The following LRRC8C variants were observed in gnomAD, a reference collection of about 807,000 sequenced individuals.
The protein encoded by LRRC8C is leucine rich repeat containing 8 VRAC subunit C, also known as volume-regulated anion channel subunit LRRC8C.
In LRRC8C, 20 loss-of-function variants were observed where a neutral mutation model predicts 55.3. The observed-to-expected ratio is 0.36, with a 90% CI of 0.25 to 0.53. The LOEUF is 0.53. LRRC8C is among the 20% of genes least tolerant of loss of function. The probability of loss-of-function intolerance (pLI) is 0.92; values close to 1 mark genes in which losing one functional copy is unlikely to be tolerated. For missense variants in LRRC8C, 659 were observed against 951.4 expected, an observed-to-expected ratio of 0.69 and a Z score of 4.04; for synonymous variants, 376 against 360.7, an observed-to-expected ratio of 1.04 and a Z score of -0.48.
At chr1:89,657,583 A>C (rs7537911) in intron 1 of LRRC8C, among the ~76,000 whole-genome samples, 3,720 of 152,112 alleles carry the variant, frequency 0.024, 149 homozygotes, top group African/African-American at 0.086. Context: ...TCTACTAAAA[A>C]TACAAAAATT....
At chr1:89,641,984 G>A (rs1391305992) in intron 1 of LRRC8C, among the ~76,000 whole-genome samples, 2 of 152,202 alleles carry the variant, frequency 1.3e-5, no homozygotes, top group Non-Finnish European at 1.5e-5. Flanking sequence ...TGCACAACCA[G>A]TAAGGCCAAT....
At chr1:89,641,233 G>A (rs894610497) in intron 1 of LRRC8C, among the ~76,000 whole-genome samples, 2 of 152,192 alleles carry the variant, frequency 1.3e-5, no homozygotes, top group African/African-American at 2.4e-5. Context: ...TTCTGAGCAT[G>A]TGTTAAAATT....
intron 1 of LRRC8C, among the ~76,000 whole-genome samples, chr1:89,680,471 T>C (rs1403942105): frequency 6.6e-6 from 1 of 151,950 alleles, no homozygotes; most frequent in Non-Finnish European, 1.5e-5. Context: ...TAATAGTTTT[T>C]TTTTTTTCTG....
At chr1:89,698,177 A>T (rs1309736207) in intron 2 of LRRC8C, among the ~76,000 whole-genome samples, 1 of 152,200 alleles carries the variant, frequency 6.6e-6, no homozygotes, top group East Asian at 1.9e-4. Context: ...CTAGACTGAT[A>T]TCACTTGGCA....
At chr1:89,693,367 A>G (rs1658076205) in intron 2 of LRRC8C, among the ~76,000 whole-genome samples, 2 of 152,184 alleles carry the variant, frequency 1.3e-5, no homozygotes, top group African/African-American at 4.8e-5. Flanking sequence ...AATCAGAATT[A>G]TAGATTCCAG....
At chr1:89,678,601 G>A (rs952704399) in intron 1 of LRRC8C, among the ~76,000 whole-genome samples, 1 of 151,990 alleles carries the variant, frequency 6.6e-6, no homozygotes, top group Admixed American at 6.6e-5. Context: ...TCGGGAGACT[G>A]AGGCAGGAGA....
chr1:89,686,719 C>G lies in LRRC8C; in HGVS notation c.138+108C>G, dbSNP rs1021630251. The G allele has an allele frequency of 4.1e-6, 5 of 1,225,414 alleles. No homozygotes were observed. The African/African-American group carries it at 6.0e-5, about 15-fold the overall frequency. The allele number at this position is 1,225,414 out of a possible 1,614,324, so 75.9% of individuals were successfully genotyped here. A position where few individuals can be genotyped will look rare whatever the true frequency, so the allele number is the denominator to read the frequency against. ...TTTTTAACCATGTAAGTATTAGTCA[C>G]TGTTCTCTGTGGATGTATTTGTAAT... On this transcript the variant is annotated intron_variant, in intron 2 of 2. Coordinates refer to ENST00000370454, the MANE Select transcript of LRRC8C (RefSeq NM_032270.5).
At position 89,717,240 on chromosome 1, in the gene LRRC8C, AAC is replaced by A. The variant is rs1312488814; in HGVS notation, c.*2261_*2262del. On this transcript the variant is annotated 3_prime_UTR_variant, in exon 3 of 3. Coordinates refer to ENST00000370454, the MANE Select transcript of LRRC8C (RefSeq NM_032270.5). ...GGCAAGCTTAGGTAACTGCTGGCAAAACACTGGGTGCACTATTTTTCTGGATA... is the reference window on the plus strand; with the variant it reads ...GGCAAGCTTAGGTAACTGCTGGCAAAACTGGGTGCACTATTTTTCTGGATA... The A allele has an allele frequency of 1.3e-5, 2 of 152,166 alleles. No individual in the cohort carries two copies. Among genetic ancestry groups the A allele is most frequent in the African/African-American group, 4.8e-5 (2 of 41,452 alleles). 9.4% of individuals were successfully genotyped at this position (152,166 alleles called of 1,614,324 possible). A position where few individuals can be genotyped will look rare whatever the true frequency, so the allele number is the denominator to read the frequency against.
intron 2 of LRRC8C, chr1:89,706,421 T>A (rs1658484482): frequency 2.3e-6 from 1 of 443,494 alleles, no homozygotes; most frequent in Non-Finnish European, 4.5e-6. Flanking sequence ...CTTTTTCACT[T>A]CCATACTTTT....
intron 1 of LRRC8C, among the ~76,000 whole-genome samples, chr1:89,681,733 G>C (rs563595659): frequency 6.6e-6 from 1 of 152,270 alleles, no homozygotes; most frequent in African/African-American, 2.4e-5. Context: ...CCTCCCACCA[G>C]GTCCCTCCGA....
At chr1:89,667,220 A>G (rs923011663) in intron 1 of LRRC8C, among the ~76,000 whole-genome samples, 2 of 152,006 alleles carry the variant, frequency 1.3e-5, no homozygotes, top group African/African-American at 2.4e-5. Context: ...TATAACCCTA[A>G]TGACTCCCAA....
intron 1 of LRRC8C, among the ~76,000 whole-genome samples, chr1:89,637,977 A>G (rs569613922): frequency 6.6e-6 from 1 of 152,322 alleles, no homozygotes; most frequent in Non-Finnish European, 1.5e-5. Context: ...ATTGATGGAG[A>G]CAAGGTGATA....
At chr1:89,666,291 A>G (rs1315589008) in intron 1 of LRRC8C, among the ~76,000 whole-genome samples, 1 of 152,084 alleles carries the variant, frequency 6.6e-6, no homozygotes, top group Non-Finnish European at 1.5e-5. Context: ...AGAGGAAAAA[A>G]CATGATACTG....
chr1:89,697,197 A>G (rs1658197712), intron 2 of LRRC8C, among the ~76,000 whole-genome samples: 1 of 152,164 alleles, frequency 6.6e-6, no homozygotes, highest in African/African-American at 2.4e-5. Flanking sequence ...ACTTGGGGAG[A>G]TATTTTTATT....
chr1:89,692,122 A>G (rs1658044119), intron 2 of LRRC8C, among the ~76,000 whole-genome samples: 1 of 152,232 alleles, frequency 6.6e-6, no homozygotes, highest in African/African-American at 2.4e-5. Flanking sequence ...AATGACTGAT[A>G]ACTTTATAAA....
intron 1 of LRRC8C, among the ~76,000 whole-genome samples, chr1:89,633,707 C>CT (rs1656200559): frequency 6.6e-6 from 1 of 152,116 alleles, no homozygotes; most frequent in Non-Finnish European, 1.5e-5. Context: ...TCGAAAATCT[C>CT]TGAGACCCCG....
intron 1 of LRRC8C, among the ~76,000 whole-genome samples, chr1:89,649,023 T>C (rs939919095): frequency 6.6e-6 from 1 of 152,172 alleles, no homozygotes; most frequent in Non-Finnish European, 1.5e-5. Context: ...CTTTTGTAAA[T>C]CATTCTTTTA....
intron 1 of LRRC8C, among the ~76,000 whole-genome samples, chr1:89,670,384 C>T (rs912500955): frequency 6.6e-6 from 1 of 152,084 alleles, no homozygotes; most frequent in East Asian, 1.9e-4. Flanking sequence ...AAGTTGATGC[C>T]CTTAGCCTGT....
chr1:89,686,789 A>C (rs774069880), intron 2 of LRRC8C, among the ~76,000 whole-genome samples, 178 bp downstream of exon 2: 6 of 152,230 alleles, frequency 3.9e-5, no homozygotes, highest in Non-Finnish European at 7.3e-5. Context: ...ATTTCCTAAT[A>C]CGGTAAATAT....
Sources: gnomAD v4.1 joint callset for allele counts (sites outside exome capture counted in the v4.1 genomes callset) on GRCh38, gnomAD v4.1.1 for gene constraint, MANE v1.5 for transcripts, NCBI Gene and HGNC (gene_info 2026-07-23, HGNC 2026-07-21) for gene names.